The following LRIF1 variants were observed in gnomAD, a reference collection of about 807,000 sequenced individuals.
LRIF1 encodes ligand-dependent nuclear receptor-interacting factor 1.
In LRIF1, 32 loss-of-function variants were observed where a neutral mutation model predicts 52.7. The observed-to-expected ratio is 0.61, with a 90% CI of 0.46 to 0.82. The LOEUF is 0.82. LRIF1 is among the 40% of genes least tolerant of loss of function. The probability of loss-of-function intolerance (pLI) is 0.00; values close to 1 mark genes in which losing one functional copy is unlikely to be tolerated. For missense variants in LRIF1, 887 were observed against 892.0 expected, an observed-to-expected ratio of 0.99 and a Z score of 0.07; for synonymous variants, 323 against 317.4, an observed-to-expected ratio of 1.02 and a Z score of -0.19.
rs759912249 is a variant in LRIF1 at position 110,951,369 on chromosome 1, C to T, written c.1515G>A (p.Gln505=). The T allele has an allele frequency of 3.1e-6, 5 of 1,614,094 alleles. No homozygotes were observed. The highest frequency in any genetic ancestry group is 4.2e-6 in the Non-Finnish European group (5 of 1,179,982). ...CAGAGGAACTTATTTTCTCTATGCT[C>T]TGGAGGACACTTCCTTTTCTAGCAT... ...VIYARKGSVL[Q]SIEKISSSVD... Residue 505 remains glutamine, a synonymous_variant, in exon 2 of 4, where the codon CAG becomes CAA. Coordinates refer to ENST00000369763, the MANE Select transcript of LRIF1 (RefSeq NM_018372.4).
the LRIF1 span, among the ~76,000 whole-genome samples, chr1:110,912,331 C>T: frequency 6.6e-6 from 1 of 152,140 alleles, no homozygotes; most frequent in Non-Finnish European, 1.5e-5. Flanking sequence ...CATGCTTCAG[C>T]CTCCCAAGTA....
At chr1:110,888,302 T>C in the LRIF1 span, among the ~76,000 whole-genome samples, 1 of 152,232 alleles carries the variant, frequency 6.6e-6, no homozygotes, top group African/African-American at 2.4e-5. Context: ...GGGTTTGCTC[T>C]CTGTGCACCT....
the LRIF1 span, chr1:110,941,189 C>G: frequency 6.6e-6 from 1 of 151,914 alleles, no homozygotes; most frequent in Non-Finnish European, 1.5e-5. Flanking sequence ...TAAATGTGCT[C>G]ATTACTCTGA....
At chr1:110,933,241 T>C in the LRIF1 span, among the ~76,000 whole-genome samples, 2 of 152,214 alleles carry the variant, frequency 1.3e-5, no homozygotes, top group East Asian at 1.9e-4. Context: ...GTTGAGAATG[T>C]TGTTTAGAAG....
At position 110,963,922 on chromosome 1, in the gene LRIF1, C is replaced by G; in HGVS notation, c.-234G>C. 2.4e-6 allele frequency: 1 copy of G among 415,380 alleles called. No homozygotes were observed. Among genetic ancestry groups the G allele is most frequent in the Non-Finnish European group, 4.6e-6 (1 of 218,242 alleles). 25.7% of individuals were successfully genotyped at this position (415,380 alleles called of 1,614,324 possible). A position where few individuals can be genotyped will look rare whatever the true frequency, so the allele number is the denominator to read the frequency against. On this transcript the variant is annotated 5_prime_UTR_variant, in exon 1 of 4. Transcript: ENST00000369763. ...CCGGAAGGCTCCTGGCGGTGGACTG[C>G]GCCCTCACAGCCCTACGCTGAGAGA...
chr1:110,911,589 A>T, the LRIF1 span, among the ~76,000 whole-genome samples: 1 of 152,170 alleles, frequency 6.6e-6, no homozygotes, highest in Non-Finnish European at 1.5e-5. Flanking sequence ...ATGAACACAA[A>T]CACAAAATCC....
the LRIF1 span, chr1:110,937,085 T>G: frequency 1.3e-5 from 2 of 152,090 alleles, no homozygotes; most frequent in Admixed American, 6.5e-5. Context: ...ATAAACCAAA[T>G]ATTATTAGAG....
At chr1:110,935,774 A>C in the LRIF1 span, among the ~76,000 whole-genome samples, 1 of 152,184 alleles carries the variant, frequency 6.6e-6, no homozygotes, top group Admixed American at 6.5e-5. Flanking sequence ...AGAACTAGAA[A>C]GCCTATTCAA....
At chr1:110,920,159 T>A in the LRIF1 span, among the ~76,000 whole-genome samples, 1 of 152,342 alleles carries the variant, frequency 6.6e-6, no homozygotes, top group South Asian at 2.1e-4. Flanking sequence ...AGCATGCTCT[T>A]ACCGCATGAT....
the LRIF1 span, among the ~76,000 whole-genome samples, chr1:110,881,236 C>A: frequency 8.5e-5 from 13 of 152,050 alleles, no homozygotes; most frequent in Middle Eastern, 3.2e-3. Context: ...TTCCCTGCTC[C>A]CTCTCTACTC....
At chr1:110,924,137 A>C in the LRIF1 span, among the ~76,000 whole-genome samples, 1 of 152,156 alleles carries the variant, frequency 6.6e-6, no homozygotes, top group East Asian at 1.9e-4. Flanking sequence ...GAACTGGAAA[A>C]ATTCCTAGGA....
the LRIF1 span, among the ~76,000 whole-genome samples, chr1:110,886,864 T>TAC: frequency 1.3e-5 from 1 of 78,146 alleles, no homozygotes; most frequent in Non-Finnish European, 2.8e-5. Context: ...TATATATATA[T>TAC]ATATATTTTT....
chr1:110,929,995 C>T, the LRIF1 span, among the ~76,000 whole-genome samples: 1 of 152,234 alleles, frequency 6.6e-6, no homozygotes, highest in South Asian at 2.1e-4. Context: ...GTACATGTAC[C>T]CCTGCACCTA....
chr1:110,881,562 T>C, the LRIF1 span, among the ~76,000 whole-genome samples: 2 of 152,250 alleles, frequency 1.3e-5, no homozygotes, highest in African/African-American at 4.8e-5. Flanking sequence ...TACAAAACTA[T>C]GAACCTTCCT....
chr1:110,945,826 CAAG>C (rs1658191646), downstream of LRIF1, among the ~76,000 whole-genome samples: 1 of 152,176 alleles, frequency 6.6e-6, no homozygotes, highest in Admixed American at 6.6e-5. Context: ...GCTGATAAAT[CAAG>C]AAGACTGACA....
At chr1:110,957,778 T>C (rs1056884825) in intron 1 of LRIF1, among the ~76,000 whole-genome samples, 1 of 143,098 alleles carries the variant, frequency 7.0e-6, no homozygotes, top group Non-Finnish European at 1.6e-5. Flanking sequence ...TTTGTCTTTA[T>C]CATCATTCTT....
the LRIF1 span, among the ~76,000 whole-genome samples, chr1:110,933,713 G>A: frequency 6.6e-6 from 1 of 152,180 alleles, no homozygotes; most frequent in Admixed American, 6.5e-5. Context: ...TTGCCATGGA[G>A]AGCTACAGTA....
In LRIF1 at chr1:110,951,497, T is replaced by G; in HGVS notation, c.1387A>C (p.Ser463Arg). Residue 463 changes from serine (S) to arginine (R), a missense_variant, in exon 2 of 4, where the codon AGT (serine) becomes CGT (arginine). Physicochemically the swap from Ser to Arg is moderately radical, Grantham distance 110. Coordinates refer to ENST00000369763, the MANE Select transcript of LRIF1 (RefSeq NM_018372.4). ...STTNPHMNQS[S>R]NYLKQSKTLF... Reference sequence around the variant, plus strand: ...GTCTTACTCTGTTTTAAGTAGTTACTGGATTGGTTCATATGTGGATTTGTG... The same window carrying G: ...GTCTTACTCTGTTTTAAGTAGTTACGGGATTGGTTCATATGTGGATTTGTG... 6.2e-7 allele frequency: 1 copy of G among 1,614,174 alleles called. No homozygotes were observed. Among genetic ancestry groups the G allele is most frequent in the African/African-American group, 1.3e-5 (1 of 75,064 alleles).
chr1:110,957,150 A>C (rs909655947), intron 1 of LRIF1, among the ~76,000 whole-genome samples: 1 of 151,930 alleles, frequency 6.6e-6, no homozygotes, highest in African/African-American at 2.4e-5. Flanking sequence ...CCTTCAAGAC[A>C]TTCTTCCTTA....
Sources: gnomAD v4.1 joint callset for allele counts (sites outside exome capture counted in the v4.1 genomes callset) on GRCh38, gnomAD v4.1.1 for gene constraint, MANE v1.5 for transcripts, NCBI Gene and HGNC (gene_info 2026-07-23, HGNC 2026-07-21) for gene names.